The following LRP1B variants were observed in gnomAD, a reference collection of about 807,000 sequenced individuals.
The protein encoded by LRP1B is LDL receptor related protein 1B, also known as low-density lipoprotein receptor-related protein 1B.
Under a neutral mutation model 556.6 loss-of-function variants are expected in LRP1B, and 217 were observed. The observed-to-expected ratio is 0.39, with a 90% CI of 0.35 to 0.44. The LOEUF is 0.44. LRP1B is among the 20% of genes least tolerant of loss of function. The pLI, the probability that LRP1B is intolerant of heterozygous loss-of-function variation, is 1.00. For synonymous variants in LRP1B, 2,047 were observed against 1,865.8 expected, an observed-to-expected ratio of 1.10 and a Z score of -2.50; for missense variants, 5,053 against 5,620.8, an observed-to-expected ratio of 0.90 and a Z score of 3.23.
chr2:141,577,631 A>G (rs1043904301), intron 2 of LRP1B, among the ~76,000 whole-genome samples: 7 of 152,202 alleles, frequency 4.6e-5, no homozygotes, highest in Non-Finnish European at 1.0e-4. Flanking sequence ...AGCCCCCTTC[A>G]GCTATAGGAT....
intron 23 of LRP1B, among the ~76,000 whole-genome samples, chr2:140,891,813 T>C (rs79072186): frequency 2.0e-3 from 298 of 152,348 alleles, no homozygotes; most frequent in African/African-American, 6.8e-3. Context: ...TGTCATCAGC[T>C]GTCTCTTGAC....
At chr2:140,845,958 A>G (rs548118410) in intron 29 of LRP1B, among the ~76,000 whole-genome samples, 1 of 152,278 alleles carries the variant, frequency 6.6e-6, no homozygotes, top group South Asian at 2.1e-4. Context: ...TGAGTTAGAG[A>G]AAACAGAGGA....
At chr2:141,933,233 G>A (rs1381044743) in intron 1 of LRP1B, among the ~76,000 whole-genome samples, 2 of 150,080 alleles carry the variant, frequency 1.3e-5, no homozygotes, top group Admixed American at 6.6e-5. Context: ...TAAGTTTTAA[G>A]AAAAAAAAAT....
intron 41 of LRP1B, among the ~76,000 whole-genome samples, chr2:140,650,406 TG>T (rs1441584404): frequency 1.3e-5 from 2 of 151,796 alleles, no homozygotes; most frequent in African/African-American, 4.8e-5. Context: ...TGGAGTGCAG[TG>T]GCACAATCTC....
intron 7 of LRP1B, among the ~76,000 whole-genome samples, chr2:141,139,781 ATGTGTGTGTGTGTGTG>A (rs58413685): frequency 6.8e-5 from 10 of 148,034 alleles, no homozygotes; most frequent in South Asian, 2.2e-4. Flanking sequence ...CATTGGAAAA[ATGTGTGTGTGTGTGTG>A]TGTGTGTGTG....
chr2:140,462,963 G>A (rs529889043), intron 60 of LRP1B, among the ~76,000 whole-genome samples: 8 of 152,240 alleles, frequency 5.3e-5, no homozygotes, highest in Non-Finnish European at 8.8e-5. Flanking sequence ...AGCACAATGA[G>A]ATGTGTAGAG....
chr2:141,220,102 G>A (rs749212731), intron 6 of LRP1B, among the ~76,000 whole-genome samples: 2 of 152,180 alleles, frequency 1.3e-5, no homozygotes, highest in East Asian at 1.9e-4. Context: ...ACAGAATTAG[G>A]CTTCAGAAGG....
At position 141,955,350 on chromosome 2, in the gene LRP1B, T is replaced by G. The variant is rs118171008; in HGVS notation, c.83-144949A>C. ...GTGTTTTAGATGACAAATGGTAACATAGTGTATGCATTTTCTGCATCTTGC... is the reference window on the plus strand; with the variant it reads ...GTGTTTTAGATGACAAATGGTAACAGAGTGTATGCATTTTCTGCATCTTGC... On this transcript the variant is annotated intron_variant, in intron 1 of 90. Coordinates refer to ENST00000389484, the MANE Select transcript of LRP1B (RefSeq NM_018557.3). Among the ~76,000 whole-genome samples, 39 of 152,262 alleles carry G rather than the reference T, an allele frequency of 2.6e-4. 1 individual carries two copies. In the East Asian group the frequency reaches 7.5e-3, roughly 29 times the overall value.
chr2:142,111,061 C>G (rs571862122), intron 1 of LRP1B, among the ~76,000 whole-genome samples: 1 of 152,260 alleles, frequency 6.6e-6, no homozygotes, highest in South Asian at 2.1e-4. Flanking sequence ...CTTGCAGCAG[C>G]CCTGATCTCT....
intron 32 of LRP1B, among the ~76,000 whole-genome samples, chr2:140,797,636 TA>T (rs1463226491): frequency 6.6e-6 from 1 of 152,124 alleles, no homozygotes; most frequent in Admixed American, 6.6e-5. Context: ...TATAGATCAC[TA>T]TTTTTTGCTC....
intron 1 of LRP1B, among the ~76,000 whole-genome samples, chr2:141,843,571 C>G (rs1273062020): frequency 6.6e-6 from 1 of 152,116 alleles, no homozygotes. Context: ...TAAAAATAAC[C>G]TACAGATAAA....
intron 1 of LRP1B, among the ~76,000 whole-genome samples, chr2:142,078,935 T>C (rs1705611486): frequency 1.3e-5 from 2 of 152,200 alleles, no homozygotes; most frequent in African/African-American, 2.4e-5. Context: ...TATAATCTAT[T>C]TAGTAAATAG....
intron 3 of LRP1B, among the ~76,000 whole-genome samples, chr2:141,452,539 T>G (rs1681459956): frequency 6.6e-6 from 1 of 152,206 alleles, no homozygotes; most frequent in Non-Finnish European, 1.5e-5. Context: ...GTAGTATATC[T>G]TTTCATTAGC....
intron 3 of LRP1B, among the ~76,000 whole-genome samples, chr2:141,258,119 C>T (rs1274996149): frequency 6.6e-6 from 1 of 152,192 alleles, no homozygotes; most frequent in Admixed American, 6.5e-5. Flanking sequence ...CAAGTGAGAA[C>T]ACAGACATGT....
At chr2:141,796,564 G>A (rs988531235) in intron 2 of LRP1B, among the ~76,000 whole-genome samples, 2 of 145,540 alleles carry the variant, frequency 1.4e-5, no homozygotes, top group African/African-American at 5.1e-5. Flanking sequence ...TGAACATAGA[G>A]ATAGCATTTT....
At chr2:140,281,168 T>C (rs1402438981) in intron 84 of LRP1B, among the ~76,000 whole-genome samples, 1 of 151,920 alleles carries the variant, frequency 6.6e-6, no homozygotes, top group Admixed American at 6.6e-5. Flanking sequence ...AGTAAATATA[T>C]TTTCCTTTAA....
chr2:140,723,028 G>A (rs1304255589), intron 35 of LRP1B, among the ~76,000 whole-genome samples: 3 of 152,122 alleles, frequency 2.0e-5, no homozygotes, highest in Non-Finnish European at 4.4e-5. Context: ...GGGTGACAGA[G>A]CGAGACTCTG....
intron 15 of LRP1B, among the ~76,000 whole-genome samples, chr2:140,998,780 T>C (rs1477449267): frequency 6.6e-6 from 1 of 152,094 alleles, no homozygotes; most frequent in African/African-American, 2.4e-5. Flanking sequence ...CTTGAACATT[T>C]GCCAGTGGAT....
intron 3 of LRP1B, among the ~76,000 whole-genome samples, chr2:141,434,797 G>A (rs139647600): frequency 0.01 from 1,567 of 152,200 alleles, 16 homozygotes; most frequent in Non-Finnish European, 0.016. Context: ...TAGTGACTCA[G>A]CTAAAATAAT....
Sources: gnomAD v4.1 joint callset for allele counts (sites outside exome capture counted in the v4.1 genomes callset) on GRCh38, gnomAD v4.1.1 for gene constraint, MANE v1.5 for transcripts, NCBI Gene and HGNC (gene_info 2026-07-23, HGNC 2026-07-21) for gene names.